RHBDD1: variants seen among roughly 807,000 people sequenced by gnomAD.
The protein encoded by RHBDD1 is rhomboid-related protein 4.
RHBDD1 carries 38 observed loss-of-function variants against 36.3 expected under a neutral mutation model. That is an observed-to-expected ratio of 1.05 (90% confidence interval 0.81 to 1.37). RHBDD1 has a LOEUF of 1.37. RHBDD1 is among the 40% of genes most tolerant of loss of function. The probability of loss-of-function intolerance (pLI) is 0.00; values close to 1 mark genes in which losing one functional copy is unlikely to be tolerated. For missense variants in RHBDD1, 393 were observed against 377.6 expected (o/e 1.04, Z -0.34); for synonymous variants, 151 against 136.5 (o/e 1.11, Z -0.74).
intron 8 of RHBDD1, among the ~76,000 whole-genome samples, chr2:226,940,656 G>A (rs1035966244): frequency 2.0e-5 from 3 of 152,152 alleles, no homozygotes; most frequent in African/African-American, 7.2e-5. Flanking sequence ...ATGATGGAGA[G>A]TGAGATAGGC....
At chr2:226,945,394 G>A (rs532075561) in intron 8 of RHBDD1, among the ~76,000 whole-genome samples, 16 of 152,110 alleles carry the variant, frequency 1.1e-4, no homozygotes, top group African/African-American at 3.4e-4. Context: ...CCACTTATGA[G>A]TGAGAACATA....
chr2:226,929,997 A>G (rs1321972645), intron 8 of RHBDD1, among the ~76,000 whole-genome samples: 2 of 152,038 alleles, frequency 1.3e-5, no homozygotes, highest in Non-Finnish European at 2.9e-5. Flanking sequence ...ATACTACTCA[A>G]ATAAATCATA....
At chr2:226,946,443 T>G (rs1256495530) in intron 8 of RHBDD1, among the ~76,000 whole-genome samples, 1 of 152,190 alleles carries the variant, frequency 6.6e-6, no homozygotes, top group African/African-American at 2.4e-5. Context: ...TTTTGGCTAC[T>G]GTAGCCTTGT....
At chr2:226,948,578 A>AT (rs1180089092) in intron 8 of RHBDD1, among the ~76,000 whole-genome samples, 39 of 122,428 alleles carry the variant, frequency 3.2e-4, no homozygotes, top group African/African-American at 8.0e-4. Context: ...AAAAAAAAAA[A>AT]AAAAAAACGA....
chr2:226,900,960 T>C (rs1947534651), intron 5 of RHBDD1, among the ~76,000 whole-genome samples: 1 of 152,232 alleles, frequency 6.6e-6, no homozygotes, highest in Non-Finnish European at 1.5e-5. Context: ...CACCATGCTG[T>C]ATATTAGCTC....
At chr2:226,932,658 C>T (rs1950095945) in intron 8 of RHBDD1, among the ~76,000 whole-genome samples, 1 of 151,936 alleles carries the variant, frequency 6.6e-6, no homozygotes, top group Admixed American at 6.6e-5. Context: ...TTACTTGTTG[C>T]TCTATGCTTT....
At chr2:226,987,774 T>TA (rs2149520416) in intron 8 of RHBDD1, among the ~76,000 whole-genome samples, 1 of 152,344 alleles carries the variant, frequency 6.6e-6, no homozygotes, top group South Asian at 2.1e-4. Context: ...AGTGACTTGA[T>TA]ATATTATCTG....
At chr2:226,903,186 A>C (rs888791149) in intron 5 of RHBDD1, among the ~76,000 whole-genome samples, 1 of 152,232 alleles carries the variant, frequency 6.6e-6, no homozygotes, top group Non-Finnish European at 1.5e-5. Context: ...TGAGCATAGA[A>C]TAAAATAAGT....
the RHBDD1 span, among the ~76,000 whole-genome samples, chr2:226,830,091 C>G: frequency 1.1e-4 from 16 of 151,932 alleles, no homozygotes; most frequent in Non-Finnish European, 2.1e-4. Context: ...CAGTGCTTTT[C>G]TACATCTATG....
At chr2:226,936,631 T>C (rs1950348039) in intron 8 of RHBDD1, among the ~76,000 whole-genome samples, 1 of 152,144 alleles carries the variant, frequency 6.6e-6, no homozygotes. Context: ...CCACAACTGA[T>C]GGAGACTACG....
chr2:226,948,566 A>T (rs1268401789), intron 8 of RHBDD1, among the ~76,000 whole-genome samples: 1 of 91,746 alleles, frequency 1.1e-5, no homozygotes, highest in Non-Finnish European at 2.1e-5. Context: ...TTAAAGTATA[A>T]AAAAAAAAAA....
chr2:226,824,024 T>C, the RHBDD1 span, among the ~76,000 whole-genome samples: 2 of 152,166 alleles, frequency 1.3e-5, no homozygotes, highest in African/African-American at 4.8e-5. Context: ...ACAAGACCTT[T>C]GGGGAAAACA....
intron 8 of RHBDD1, among the ~76,000 whole-genome samples, chr2:226,957,006 G>C (rs539133684): frequency 6.6e-6 from 1 of 152,270 alleles, no homozygotes; most frequent in Non-Finnish European, 1.5e-5. Context: ...CTTGATTGGT[G>C]GTCTCAATGA....
At chr2:226,804,844 T>A in the RHBDD1 span, 1 of 152,178 alleles carries the variant, frequency 6.6e-6, no homozygotes, top group Non-Finnish European at 1.5e-5. Flanking sequence ...AGAGAATCCA[T>A]AACTGATATT....
intron 8 of RHBDD1, among the ~76,000 whole-genome samples, chr2:226,927,733 C>T (rs1263791087): frequency 6.6e-6 from 1 of 151,974 alleles, no homozygotes. Flanking sequence ...TTCTGTTTAT[C>T]GACTACCTAT....
intron 8 of RHBDD1, among the ~76,000 whole-genome samples, chr2:226,923,674 T>C (rs1353128653): frequency 6.6e-6 from 1 of 152,120 alleles, no homozygotes; most frequent in Non-Finnish European, 1.5e-5. Flanking sequence ...CTTTTAGGGC[T>C]ATTTTCTAGA....
chr2:226,952,545 A>G (rs560077507), intron 8 of RHBDD1, among the ~76,000 whole-genome samples: 1 of 151,954 alleles, frequency 6.6e-6, no homozygotes, highest in African/African-American at 2.4e-5. Flanking sequence ...TGATCTGCCC[A>G]CCTTGGCCTC....
intron 3 of RHBDD1, among the ~76,000 whole-genome samples, chr2:226,848,118 C>T (rs541759732): frequency 7.2e-5 from 11 of 152,114 alleles, no homozygotes; most frequent in African/African-American, 2.6e-4. Context: ...ATTTTTAAAA[C>T]GGATTTTTTT....
intron 8 of RHBDD1, among the ~76,000 whole-genome samples, chr2:226,994,236 G>A (rs1958901877): frequency 6.6e-6 from 1 of 152,196 alleles, no homozygotes; most frequent in Admixed American, 6.5e-5. Context: ...CAGCTACTGT[G>A]TGTTCAGAAC....
Sources: allele counts gnomAD v4.1 joint callset (sites outside exome capture counted in the v4.1 genomes callset), GRCh38; gene constraint gnomAD v4.1.1; transcripts MANE v1.5; gene names NCBI Gene and HGNC (gene_info 2026-07-23, HGNC 2026-07-21).